GNB4: variants seen among roughly 807,000 people sequenced by gnomAD.
GNB4 encodes guanine nucleotide-binding protein subunit beta-4.
A neutral mutation model predicts 45.2 loss-of-function variants in GNB4; 28 were observed. The ratio of observed to expected loss-of-function variants is 0.62; its 90% CI spans 0.46 to 0.85. GNB4 has a LOEUF of 0.85. Ranked by LOEUF, GNB4 falls within the 40% of genes least tolerant of loss-of-function variation. GNB4 has a pLI of 0.00. For synonymous variants in GNB4, 132 were observed against 143.7 expected, an observed-to-expected ratio of 0.92 and a Z score of 0.58; for missense variants, 321 against 425.4, an observed-to-expected ratio of 0.75 and a Z score of 2.16.
intron 1 of GNB4, among the ~76,000 whole-genome samples, chr3:179,448,764 G>A (rs555581443): frequency 5.3e-5 from 8 of 152,042 alleles, no homozygotes; most frequent in South Asian, 2.1e-4. Context: ...AAAAAACTAC[G>A]CTTCCTCAAG....
intron 1 of GNB4, among the ~76,000 whole-genome samples, chr3:179,446,948 A>G (rs1715748270): frequency 2.0e-5 from 3 of 152,228 alleles, no homozygotes; most frequent in Non-Finnish European, 2.9e-5. Flanking sequence ...GAGATTCGGT[A>G]GTAAACAAAA....
chr3:179,454,857 A>C (rs775412862), upstream of GNB4, among the ~76,000 whole-genome samples: 3 of 152,176 alleles, frequency 2.0e-5, no homozygotes, highest in Non-Finnish European at 4.4e-5. Context: ...GTTATAAAAT[A>C]TTAAATGGAA....
chr3:179,517,261 C>T, the GNB4 span, among the ~76,000 whole-genome samples: 1 of 152,154 alleles, frequency 6.6e-6, no homozygotes, highest in Admixed American at 6.5e-5. Context: ...AAAAGCTCCC[C>T]TGCTGAGCAC....
chr3:179,425,672 T>C (rs867253372), intron 2 of GNB4, among the ~76,000 whole-genome samples: 35 of 152,156 alleles, frequency 2.3e-4, no homozygotes, highest in African/African-American at 7.5e-4. Flanking sequence ...AGTTTCACCA[T>C]GTTGGCCAGG....
rs1560213315 is a variant in GNB4, at chr3:179,413,445, G to A, written c.666C>T (p.Phe222=). Residue 222 remains phenylalanine, a synonymous_variant, in exon 8 of 10, where the codon TTC becomes TTT. Transcript: ENST00000232564. ...DIRDGMCRQS[F]TGHVSDINAV... Reference sequence around the variant, plus strand: ...CATTGATATCTGAGACATGTCCCGTGAAAGACTGTCTACACATTCCATCTC... The same window carrying A: ...CATTGATATCTGAGACATGTCCCGTAAAAGACTGTCTACACATTCCATCTC... The A allele has an allele frequency of 6.2e-7, 1 of 1,613,968 alleles. No individual in the cohort carries two copies. Among genetic ancestry groups the A allele is most frequent in the Non-Finnish European group, 8.5e-7 (1 of 1,179,900 alleles).
intron 1 of GNB4, among the ~76,000 whole-genome samples, chr3:179,443,623 T>C (rs1349525709): frequency 6.6e-6 from 1 of 152,240 alleles, no homozygotes; most frequent in Non-Finnish European, 1.5e-5. Flanking sequence ...TTCATTTTTC[T>C]TAACAAAGCC....
At chr3:179,516,879 C>A in the GNB4 span, among the ~76,000 whole-genome samples, 1 of 152,228 alleles carries the variant, frequency 6.6e-6, no homozygotes, top group South Asian at 2.1e-4. Context: ...ATCAGCATAA[C>A]CATTGCGCTG....
At chr3:179,433,597 G>A (rs1181755967) in intron 1 of GNB4, among the ~76,000 whole-genome samples, 16 of 147,718 alleles carry the variant, frequency 1.1e-4, no homozygotes, top group South Asian at 2.1e-4. Context: ...ATTTTAAAAA[G>A]AGACCCTGTC....
chr3:179,426,517 G>C (rs1715150911), intron 1 of GNB4, among the ~76,000 whole-genome samples: 1 of 152,134 alleles, frequency 6.6e-6, no homozygotes, highest in African/African-American at 2.4e-5. Context: ...GGAGTCTGGT[G>C]AGAAATATTT....
At chr3:179,482,697 A>G in the GNB4 span, among the ~76,000 whole-genome samples, 1 of 152,234 alleles carries the variant, frequency 6.6e-6, no homozygotes, top group Non-Finnish European at 1.5e-5. Flanking sequence ...TCACTACTGC[A>G]GTTCAAAATT....
At chr3:179,472,255 A>T in the GNB4 span, among the ~76,000 whole-genome samples, 1 of 152,078 alleles carries the variant, frequency 6.6e-6, no homozygotes, top group Non-Finnish European at 1.5e-5. Flanking sequence ...GCTCAGTTTC[A>T]AATTATGGAT....
intron 1 of GNB4, among the ~76,000 whole-genome samples, chr3:179,448,273 G>GT (rs1220779822): frequency 6.6e-6 from 1 of 152,130 alleles, no homozygotes; most frequent in Non-Finnish European, 1.5e-5. Flanking sequence ...CCTGTTTCAT[G>GT]TTTTCATTTC....
At chr3:179,464,411 C>T in the GNB4 span, 1 of 1,364,456 alleles carries the variant, frequency 7.3e-7, no homozygotes, top group Non-Finnish European at 1.0e-6. Context: ...ACAGCTGCTC[C>T]CTCTGCCCTC....
chr3:179,472,773 G>T, the GNB4 span, among the ~76,000 whole-genome samples: 1 of 152,168 alleles, frequency 6.6e-6, no homozygotes, highest in Non-Finnish European at 1.5e-5. Flanking sequence ...AGTTGGAAAA[G>T]GGAGCATACT....
the GNB4 span, among the ~76,000 whole-genome samples, chr3:179,506,905 T>G: frequency 6.6e-6 from 1 of 152,206 alleles, no homozygotes; most frequent in African/African-American, 2.4e-5. Flanking sequence ...TTGTAGTTAA[T>G]GATGCTGAAC....
intron 1 of GNB4, among the ~76,000 whole-genome samples, chr3:179,440,202 T>C (rs1438192075): frequency 6.6e-6 from 1 of 152,222 alleles, no homozygotes; most frequent in African/African-American, 2.4e-5. Context: ...AACAGAACTA[T>C]GATTTTTGGG....
the GNB4 span, among the ~76,000 whole-genome samples, chr3:179,519,345 C>T: frequency 6.6e-6 from 1 of 152,196 alleles, no homozygotes; most frequent in Non-Finnish European, 1.5e-5. Context: ...TGACACTGCC[C>T]AATCACCTCA....
intron 9 of GNB4, 94 bp from the exon 10 acceptor site, chr3:179,401,413 A>T (rs2108575275): frequency 1.8e-6 from 1 of 552,148 alleles, no homozygotes; most frequent in East Asian, 3.2e-5. Flanking sequence ...ATAAACTATC[A>T]GTCCAGTTTT....
upstream of GNB4, among the ~76,000 whole-genome samples, chr3:179,452,640 G>T (rs535764931): frequency 3.6e-4 from 55 of 152,076 alleles, 2 homozygotes; most frequent in Non-Finnish European, 6.9e-4. Flanking sequence ...GGGAAAATGT[G>T]ACCGTTTTGT....
Sources: allele counts gnomAD v4.1 joint callset (sites outside exome capture counted in the v4.1 genomes callset), GRCh38; gene constraint gnomAD v4.1.1; transcripts MANE v1.5; gene names NCBI Gene and HGNC (gene_info 2026-07-23, HGNC 2026-07-21).